The following ZNF467 variants were observed in gnomAD, a reference collection of about 807,000 sequenced individuals.
The protein encoded by ZNF467 is zinc finger protein 467, also known as zinc finger protein EZI.
Under a neutral mutation model 47.8 loss-of-function variants are expected in ZNF467, and 51 were observed. That is an observed-to-expected ratio of 1.07 (90% confidence interval 0.85 to 1.35). The LOEUF (loss-of-function observed/expected upper bound fraction) is 1.35, where lower values mean the gene tolerates loss of function less well. ZNF467 is among the 40% of genes most tolerant of loss of function. The pLI is 0.00. For missense variants in ZNF467, 992 were observed against 858.1 expected (o/e 1.16, Z -1.95); for synonymous variants, 416 against 372.9 (o/e 1.12, Z -1.33).
upstream of ZNF467, chr7:149,776,451 C>T (rs771308831): frequency 1.5e-6 from 2 of 1,344,722 alleles, no homozygotes; most frequent in Middle Eastern, 2.3e-4. Flanking sequence ...GCCGCCTGGG[C>T]TGGCGGCTGG....
chr7:149,773,828 G>A (rs1319607984), upstream of ZNF467, among the ~76,000 whole-genome samples: 1 of 151,994 alleles, frequency 6.6e-6, no homozygotes, highest in Non-Finnish European at 1.5e-5. Context: ...TTCTCCACCC[G>A]GATTCCACCC....
Position 149,765,372 on chromosome 7 carries a change from T to C in ZNF467, c.1130A>G (p.His377Arg). 6.4e-7 allele frequency: 1 copy of C among 1,560,574 alleles called. No individual in the cohort carries two copies. Among genetic ancestry groups the C allele is most frequent in the Non-Finnish European group, 8.7e-7 (1 of 1,153,114 alleles). Reference sequence around the variant, plus strand: ...CCCAAAGGGGCGACCCTCGCTGCGGTGCAGACACTGGTGCGTGGCGAGGTT... The same window carrying C: ...CCCAAAGGGGCGACCCTCGCTGCGGCGCAGACACTGGTGCGTGGCGAGGTT... ...KKNLATHQCL[H>R]RSEGRPFGCD... is the part of the protein sequence containing the mutation. The change falls in exon 5 of 5, where the codon CAC (histidine) becomes CGC (arginine). Residue 377 changes from histidine to arginine, a missense_variant. Transcript: ENST00000302017.
Position 149,764,497 on chromosome 7 carries a change from A to T in ZNF467, c.*217T>A. The T allele has an allele frequency of 1.1e-6, 1 of 870,002 alleles. No homozygotes were observed. Among genetic ancestry groups the T allele is most frequent in the Non-Finnish European group, 1.8e-6 (1 of 543,196 alleles). 53.9% of individuals were successfully genotyped at this position (870,002 alleles called of 1,614,324 possible). On this transcript the variant is annotated 3_prime_UTR_variant, in exon 5 of 5. Transcript: ENST00000302017. Reference sequence around the variant, plus strand: ...TGGGTGGGAGCCTTCCAAGAACTTCAGCTCAGCGGTTCCCAGCAAGGGTTC... The same window carrying T: ...TGGGTGGGAGCCTTCCAAGAACTTCTGCTCAGCGGTTCCCAGCAAGGGTTC...
In ZNF467 at chr7:149,765,247, C is replaced by A; in HGVS notation, c.1255G>T (p.Val419Leu). ...CCCGAGGGGGCGCGCTGGGGCACCA[C>A]GGGATCGGATCCTGGGCCGCAGCCC... ...GPGCGPGSDP[V>L]VPQRAPSGER... Residue 419 changes from valine (V) to leucine (L), a missense_variant, in exon 5 of 5, where the codon GTG becomes TTG. Physicochemically the swap from Val to Leu is conservative, Grantham distance 32. Transcript: ENST00000302017. The A allele has an allele frequency of 1.4e-6, 2 of 1,467,706 alleles. No homozygotes were observed. Among genetic ancestry groups the A allele is most frequent in the Non-Finnish European group, 1.8e-6 (2 of 1,111,680 alleles). The allele number at this position is 1,467,706 out of a possible 1,614,324, so 90.9% of individuals were successfully genotyped here. A position where few individuals can be genotyped will look rare whatever the true frequency, so the allele number is the denominator to read the frequency against.
upstream of ZNF467, chr7:149,776,144 C>T: frequency 7.7e-7 from 1 of 1,304,194 alleles, no homozygotes; most frequent in South Asian, 1.2e-5. Flanking sequence ...CTGCCGCATG[C>T]CCAGGGACCC....
upstream of ZNF467, among the ~76,000 whole-genome samples, chr7:149,775,145 C>T (rs764727341): frequency 1.3e-5 from 2 of 152,132 alleles, no homozygotes; most frequent in Admixed American, 6.5e-5. Flanking sequence ...CTGGCTCCCC[C>T]GCCCACTCCT....
rs756318907 is a variant in ZNF467 at position 149,770,520 on chromosome 7, C to T, written c.71G>A (p.Ser24Asn). Residue 24 changes from serine to asparagine, a missense_variant, in exon 3 of 5, where the codon AGT becomes AAT. Physicochemically the swap from Ser to Asn is conservative, Grantham distance 46. Coordinates refer to ENST00000302017, the MANE Select transcript of ZNF467 (RefSeq NM_207336.3). ...SVGQPEMAPQSEPREGSHNAQ... is the reference protein window; with the variant it reads ...SVGQPEMAPQNEPREGSHNAQ... ...ATTATGGGATCCTTCCCTGGGCTCA[C>T]TTTGGGGGGCCATCTCTGGCTGTCC... The T allele has an allele frequency of 1.9e-6, 3 of 1,613,742 alleles. No homozygotes were observed. The highest frequency in any genetic ancestry group is 1.1e-5 in the South Asian group (1 of 91,046).
chr7:149,765,686 G>A lies in ZNF467; in HGVS notation c.816C>T (p.Phe272=), dbSNP rs775334375. Residue 272 remains phenylalanine (F), a synonymous_variant, in exon 5 of 5, where the codon TTC becomes TTT. Coordinates refer to ENST00000302017, the MANE Select transcript of ZNF467 (RefSeq NM_207336.3). The part of the protein sequence containing the change: ...HQKTHTGERP[F]PCTECEKRFR... ...AGCGCTTCTCGCATTCCGTGCAGGG[G>A]AAGGGCCGCTCGCCGGTGTGGGTCT... 6.2e-7 allele frequency: 1 copy of A among 1,613,478 alleles called. No individual in the cohort carries two copies.
upstream of ZNF467, among the ~76,000 whole-genome samples, chr7:149,775,708 T>TACACACACACAC (rs3085320): frequency 1.4e-4 from 19 of 139,006 alleles, no homozygotes; most frequent in African/African-American, 4.2e-4. Flanking sequence ...AGTGTGAAAA[T>TACACACACACAC]ACACACACAC....
chr7:149,771,651 C>T (rs544605213), intron 1 of ZNF467, among the ~76,000 whole-genome samples: 1 of 152,160 alleles, frequency 6.6e-6, no homozygotes, highest in South Asian at 2.1e-4. Flanking sequence ...GCCGGGCTGC[C>T]CAAGGCCCGG....
chr7:149,766,711 G>T lies in ZNF467; in HGVS notation c.263-472C>A, dbSNP rs1022244777. Among the ~76,000 whole-genome samples, 35 of 152,310 alleles carry T rather than the reference G, an allele frequency of 2.3e-4. 1 individual carries two copies. The highest frequency in any genetic ancestry group is 2.1e-3 in the Admixed American group (32 of 15,304). ...GAGCTTCCCAAACTGAGCCCTGGCT[G>T]ACTTTAACCTTAGGACTAGAGCCTC... On this transcript the variant is annotated intron_variant, in intron 4 of 4. Coordinates refer to ENST00000302017, the MANE Select transcript of ZNF467 (RefSeq NM_207336.3).
rs1188954255 is a variant in ZNF467 at position 149,765,009 on chromosome 7, C to A, written c.1493G>T (p.Arg498Leu). 6.3e-7 allele frequency: 1 copy of A among 1,580,816 alleles called. No homozygotes were observed. The highest frequency in any genetic ancestry group is 8.6e-7 in the Non-Finnish European group (1 of 1,169,250). ...ACAQCGRRFS[R>L]KSHLGRHQAV... ...CTGGTGGCGGCCCAGGTGCGACTTG[C>A]GGCTGAAGCGGCGGCCGCACTGAGC... The change falls in exon 5 of 5, where the codon CGC becomes CTC. Residue 498 changes from arginine to leucine, a missense_variant. Physicochemically the swap from Arg to Leu is moderately radical, Grantham distance 102. Transcript: ENST00000302017.
At chr7:149,767,438 T>C (rs1799258340) in intron 4 of ZNF467, among the ~76,000 whole-genome samples, 1 of 152,260 alleles carries the variant, frequency 6.6e-6, no homozygotes, top group Non-Finnish European at 1.5e-5. Flanking sequence ...ACTCCCAGTT[T>C]CTTCTATCAG....
At chr7:149,776,451 C>A, upstream of ZNF467, 2 of 1,344,722 alleles carry the variant, frequency 1.5e-6, no homozygotes, top group Non-Finnish European at 9.9e-7. Context: ...GCCGCCTGGG[C>A]TGGCGGCTGG....
At chr7:149,766,315 C>A in intron 4 of ZNF467, 76 bp from the exon 5 acceptor site, 1 of 1,502,120 alleles carries the variant, frequency 6.7e-7, no homozygotes, top group East Asian at 2.3e-5. Context: ...ATCTCCACTT[C>A]CTGGAGCCCC....
chr7:149,765,821 C>T lies in ZNF467; in HGVS notation c.681G>A (p.Lys227=). The T allele has an allele frequency of 6.2e-7, 1 of 1,610,202 alleles. No homozygotes were observed. The highest frequency in any genetic ancestry group is 8.5e-7 in the Non-Finnish European group (1 of 1,178,524). ...PCSECDKRFS[K]KAHLTRHLRT... ...GCAGGTGGCGGGTCAGATGGGCCTT[C>T]TTGCTGAAGCGCTTGTCGCACTCGG... The change falls in exon 5 of 5, where the codon AAG becomes AAA. Residue 227 remains lysine (K), a synonymous_variant. Transcript: ENST00000302017.
At position 149,764,837 on chromosome 7, in the gene ZNF467, C is replaced by T; in HGVS notation, c.1665G>A (p.Lys555=). 6.5e-7 allele frequency: 1 copy of T among 1,547,304 alleles called. No homozygotes were observed. The highest frequency in any genetic ancestry group is 8.7e-7 in the Non-Finnish European group (1 of 1,147,348). Residue 555 remains lysine (K), a synonymous_variant, in exon 5 of 5, where the codon AAG becomes AAA. Transcript: ENST00000302017. ...CPQCGKSFSR[K]THLVRHQLIH... is the part of the protein sequence containing the mutation. ...TGAGCTGGTGCCGCACCAGGTGGGT[C>T]TTGCGGCTGAAGCTCTTTCCGCACT...
At chr7:149,772,917 C>G in intron 1 of ZNF467, among the ~76,000 whole-genome samples, 191 bp downstream of exon 1, 1 of 138,642 alleles carries the variant, frequency 7.2e-6, no homozygotes, top group African/African-American at 2.8e-5. Flanking sequence ...AGCCCTCACC[C>G]TGCCCGCGCC....
At chr7:149,771,155 A>G (rs1435098168) in intron 1 of ZNF467, 81 bp from the exon 2 acceptor site, 2 of 1,143,314 alleles carry the variant, frequency 1.7e-6, no homozygotes, top group East Asian at 2.4e-5. Context: ...ACCTCTCCCT[A>G]TGGGCTCTTC....
Sources: gnomAD v4.1 joint callset for allele counts (sites outside exome capture counted in the v4.1 genomes callset) on GRCh38, gnomAD v4.1.1 for gene constraint, MANE v1.5 for transcripts, NCBI Gene and HGNC (gene_info 2026-07-23, HGNC 2026-07-21) for gene names.